Variants in NSMAF observed in about 807,000 individuals in gnomAD.
NSMAF encodes the protein protein FAN.
A neutral mutation model predicts 134.9 loss-of-function variants in NSMAF; 90 were observed. The ratio of observed to expected loss-of-function variants is 0.67; its 90% confidence interval spans 0.56 to 0.79. The LOEUF is 0.79. NSMAF is among the 30% of genes least tolerant of loss of function. The probability of loss-of-function intolerance (pLI) is 0.00; values close to 1 mark genes in which losing one functional copy is unlikely to be tolerated. For missense variants in NSMAF, 1,010 were observed against 1,119.0 expected, an observed-to-expected ratio of 0.90 and a Z score of 1.39; for synonymous variants, 358 against 389.6, an observed-to-expected ratio of 0.92 and a Z score of 0.96.
At chr8:58,648,503 T>C (rs1176777822) in intron 1 of NSMAF, among the ~76,000 whole-genome samples, 1 of 152,230 alleles carries the variant, frequency 6.6e-6, no homozygotes. Flanking sequence ...CAAGGGCTAA[T>C]ATCCAAAACA....
At chr8:58,587,003 A>T (rs948717658) in intron 27 of NSMAF, among the ~76,000 whole-genome samples, 2 of 152,214 alleles carry the variant, frequency 1.3e-5, no homozygotes, top group Non-Finnish European at 2.9e-5. Context: ...TCGAGGCTAT[A>T]CTTGCACATC....
chr8:58,649,588 G>C (rs1807535190), intron 1 of NSMAF, among the ~76,000 whole-genome samples: 2 of 152,190 alleles, frequency 1.3e-5, no homozygotes, highest in South Asian at 4.1e-4. Context: ...GAGGTGACCT[G>C]ATCATGGGGG....
At chr8:58,639,496 C>A (rs1490139870) in intron 2 of NSMAF, among the ~76,000 whole-genome samples, 2 of 152,176 alleles carry the variant, frequency 1.3e-5, no homozygotes, top group Non-Finnish European at 2.9e-5. Context: ...CCCTTATATA[C>A]TGCTGGTGGG....
At chr8:58,651,122 T>C (rs947934786) in intron 1 of NSMAF, among the ~76,000 whole-genome samples, 1 of 152,202 alleles carries the variant, frequency 6.6e-6, no homozygotes, top group African/African-American at 2.4e-5. Context: ...TCTGCAGCTT[T>C]TCAACACTAG....
At chr8:58,592,353 G>A (rs1806038405) in intron 23 of NSMAF, among the ~76,000 whole-genome samples, 1 of 152,080 alleles carries the variant, frequency 6.6e-6, no homozygotes, top group Non-Finnish European at 1.5e-5. Flanking sequence ...AAAAAAAGAC[G>A]TTTTTCTTGA....
chr8:58,589,655 G>GT, intron 25 of NSMAF, 80 bp from the exon 26 acceptor site: 1 of 1,360,338 alleles, frequency 7.4e-7, no homozygotes, highest in Non-Finnish European at 9.9e-7. Context: ...GAAACATTAT[G>GT]TTGTTTCATT....
chr8:58,594,088 T>C, intron 23 of NSMAF, 144 bp downstream of exon 23: 1 of 652,380 alleles, frequency 1.5e-6, no homozygotes, highest in South Asian at 2.0e-5. Context: ...AAACTCTATG[T>C]AATGTACCAC....
chr8:58,599,734 C>A lies in NSMAF; in HGVS notation c.1453+16G>T. 6.2e-7 allele frequency: 1 copy of A among 1,612,292 alleles called. No individual in the cohort carries two copies. Among genetic ancestry groups the A allele is most frequent in the Non-Finnish European group, 8.5e-7 (1 of 1,179,138 alleles). ...AAAGCATGTCTATAATACAACACCT[C>A]CAAGGGGGGACTCACTGGAAGCCCA... On this transcript the variant is annotated intron_variant, in intron 18 of 30. Coordinates refer to ENST00000038176, the MANE Select transcript of NSMAF (RefSeq NM_003580.4).
At chr8:58,588,426 C>T in intron 26 of NSMAF, 2 of 1,246,622 alleles carry the variant, frequency 1.6e-6, no homozygotes, top group Non-Finnish European at 2.3e-6. Context: ...CTTACATGGG[C>T]TTTGGTGGGG....
At chr8:58,648,524 C>T (rs1320642009) in intron 1 of NSMAF, among the ~76,000 whole-genome samples, 3 of 152,102 alleles carry the variant, frequency 2.0e-5, no homozygotes, top group East Asian at 3.9e-4. Flanking sequence ...ATGGGGAAGG[C>T]CTCAAAGTCA....
intron 28 of NSMAF, 44 bp downstream of exon 28, chr8:58,586,414 C>A (rs1417137967): frequency 6.6e-7 from 1 of 1,517,350 alleles, no homozygotes; most frequent in Non-Finnish European, 9.0e-7. Flanking sequence ...TTTCAAAATT[C>A]CAATTTACCT....
intron 28 of NSMAF, chr8:58,586,204 G>A: frequency 1.6e-6 from 1 of 630,076 alleles, no homozygotes; most frequent in Non-Finnish European, 2.8e-6. Context: ...TTGATTATGA[G>A]TTCATTTTTA....
At chr8:58,651,555 C>T (rs1046723982) in intron 1 of NSMAF, among the ~76,000 whole-genome samples, 1 of 152,134 alleles carries the variant, frequency 6.6e-6, no homozygotes, top group Non-Finnish European at 1.5e-5. Context: ...TTTTCAAGTC[C>T]CAGCAATTTA....
At chr8:58,605,659 T>C (rs1351596379) in intron 12 of NSMAF, among the ~76,000 whole-genome samples, 2 of 152,020 alleles carry the variant, frequency 1.3e-5, no homozygotes, top group African/African-American at 2.4e-5. Flanking sequence ...TTATTTCCTA[T>C]CCCAGATCCT....
Position 58,601,542 on chromosome 8 carries a change from T to TAAAAAAA in NSMAF, c.1126-8_1126-7insTTTTTTT. The TAAAAAAA allele has an allele frequency of 8.1e-7, 1 of 1,236,896 alleles. No homozygotes were observed. Among genetic ancestry groups the TAAAAAAA allele is most frequent in the Non-Finnish European group, 1.0e-6 (1 of 960,172 alleles). 76.6% of individuals were successfully genotyped at this position (1,236,896 alleles called of 1,614,324 possible). On this transcript the variant is annotated splice_polypyrimidine_tract_variant and splice_region_variant and intron_variant, in intron 14 of 30. Transcript: ENST00000038176. ...GCATTTCCTGGTAGCGTGTCTAGAA[T>TAAAAAAA]ACAGAAAAAAAAAAAAAATAGAGCT...
In NSMAF at chr8:58,594,212, T is replaced by G. The variant is rs1563524574; in HGVS notation, c.1951+20A>C. 6.2e-7 allele frequency: 1 copy of G among 1,613,230 alleles called. No individual in the cohort carries two copies. Among genetic ancestry groups the G allele is most frequent in the Non-Finnish European group, 8.5e-7 (1 of 1,179,242 alleles). ...ATTCTAGGATTTTGGTTAAGCCGCC[T>G]TTCGGGGAGGAACACTGACCTTGGG... On this transcript the variant is annotated intron_variant, in intron 23 of 30. Coordinates refer to ENST00000038176, the MANE Select transcript of NSMAF (RefSeq NM_003580.4).
chr8:58,603,059 T>G (rs1023110044), intron 13 of NSMAF, 151 bp downstream of exon 13: 1 of 709,466 alleles, frequency 1.4e-6, no homozygotes, highest in African/African-American at 1.8e-5. Flanking sequence ...GGAATGGAAA[T>G]TGGCAGTCCT....
chr8:58,595,090 G>C (rs1374927045), intron 22 of NSMAF, among the ~76,000 whole-genome samples: 2 of 152,056 alleles, frequency 1.3e-5, no homozygotes, highest in East Asian at 1.9e-4. Flanking sequence ...CCAACAGCAA[G>C]CCCAATTTCT....
rs143464405 is a variant in NSMAF at position 58,654,794 on chromosome 8, A to T, written c.59+4779T>A. 4.8e-4 allele frequency among the ~76,000 whole-genome samples: 73 copies of T among 152,296 alleles called. 1 individual carries two copies. The highest frequency in any genetic ancestry group is 1.6e-3 in the African/African-American group (67 of 41,568). On this transcript the variant is annotated intron_variant, in intron 1 of 30. Transcript: ENST00000038176. ...AGAGATAAAACTATGACTCTTCCTC[A>T]GAAGGAAACATATCTCAACTATCTA...
Sources: allele counts gnomAD v4.1 joint callset (sites outside exome capture counted in the v4.1 genomes callset), GRCh38; gene constraint gnomAD v4.1.1; transcripts MANE v1.5; gene names NCBI Gene and HGNC (gene_info 2026-07-23, HGNC 2026-07-21).